The following GPC5 variants were observed in gnomAD, a reference collection of about 807,000 sequenced individuals.
The protein encoded by GPC5 is glypican 5.
Under a neutral mutation model 53.9 loss-of-function variants are expected in GPC5, and 47 were observed. The observed-to-expected ratio is 0.87, with a 90% CI of 0.69 to 1.11. The LOEUF is 1.11. Ranked by LOEUF, GPC5 falls within the 50% of genes most tolerant of loss-of-function variation. The pLI, the probability that GPC5 is intolerant of heterozygous loss-of-function variation, is 0.00. For missense variants in GPC5, 748 were observed against 713.1 expected (o/e 1.05, Z -0.56); for synonymous variants, 286 against 263.3 (o/e 1.09, Z -0.84).
At chr13:92,008,815 T>G (rs1298562107) in intron 6 of GPC5, among the ~76,000 whole-genome samples, 1 of 152,138 alleles carries the variant, frequency 6.6e-6, no homozygotes, top group African/African-American at 2.4e-5. Flanking sequence ...GTTGTAATGT[T>G]TAATATTGTC....
intron 7 of GPC5, among the ~76,000 whole-genome samples, chr13:92,692,697 C>A (rs1594423906): frequency 7.4e-6 from 1 of 135,870 alleles, no homozygotes; most frequent in African/African-American, 2.8e-5. Flanking sequence ...TTAAAAAAAA[C>A]AAAACAAAAC....
chr13:92,033,035 TCGTGTGTGTGTGTG>T (rs2040865422), intron 6 of GPC5, among the ~76,000 whole-genome samples: 1 of 77,836 alleles, frequency 1.3e-5, no homozygotes, highest in African/African-American at 4.6e-5. Flanking sequence ...CTAGTTATTG[TCGTGTGTGTGTGTG>T]TGTGTGTGTG....
At chr13:91,779,473 A>G (rs1242960450) in intron 5 of GPC5, among the ~76,000 whole-genome samples, 1 of 151,872 alleles carries the variant, frequency 6.6e-6, no homozygotes, top group East Asian at 1.9e-4. Context: ...TGATCCTCCC[A>G]CCTCAGCCTC....
intron 7 of GPC5, among the ~76,000 whole-genome samples, chr13:92,483,002 AC>A (rs949454480): frequency 6.6e-6 from 1 of 152,186 alleles, no homozygotes; most frequent in African/African-American, 2.4e-5. Flanking sequence ...GGCACGTCTT[AC>A]ATGGCAGCAG....
chr13:92,077,986 CA>C, intron 6 of GPC5, among the ~76,000 whole-genome samples: 1 of 51,864 alleles, frequency 1.9e-5, no homozygotes, highest in South Asian at 1.6e-3. Flanking sequence ...GATAGATATA[CA>C]TACATACATA....
At chr13:91,948,319 T>A (rs2039994537) in intron 6 of GPC5, among the ~76,000 whole-genome samples, 1 of 151,812 alleles carries the variant, frequency 6.6e-6, no homozygotes, top group South Asian at 2.1e-4. Context: ...AGTCTAATAA[T>A]GTACAACAAG....
At chr13:92,134,372 A>G (rs894674995) in intron 6 of GPC5, among the ~76,000 whole-genome samples, 1 of 152,168 alleles carries the variant, frequency 6.6e-6, no homozygotes, top group African/African-American at 2.4e-5. Context: ...CCAGGCCACG[A>G]AGAACTGTAC....
intron 7 of GPC5, among the ~76,000 whole-genome samples, chr13:92,467,587 AT>A (rs1878747244): frequency 6.6e-6 from 1 of 152,116 alleles, no homozygotes; most frequent in African/African-American, 2.4e-5. Context: ...TGTAGGTACT[AT>A]TGTTATCTTT....
At chr13:91,692,817 T>A (rs1451429027) in intron 2 of GPC5, among the ~76,000 whole-genome samples, 2 of 152,132 alleles carry the variant, frequency 1.3e-5, no homozygotes, top group African/African-American at 4.8e-5. Flanking sequence ...GTAATTTTTG[T>A]ATTTTTAATA....
intron 7 of GPC5, among the ~76,000 whole-genome samples, chr13:92,619,431 T>A (rs939708415): frequency 2.0e-5 from 3 of 151,974 alleles, no homozygotes; most frequent in Admixed American, 2.0e-4. Context: ...CGCCAATTAT[T>A]CTTAGGTTAA....
At chr13:91,844,036 C>T (rs544232106) in intron 5 of GPC5, among the ~76,000 whole-genome samples, 6 of 152,086 alleles carry the variant, frequency 3.9e-5, no homozygotes, top group African/African-American at 1.2e-4. Flanking sequence ...GAGAGTTTTG[C>T]GTTTATCTGA....
intron 7 of GPC5, among the ~76,000 whole-genome samples, chr13:92,358,008 C>A (rs1002377085): frequency 9.9e-5 from 15 of 151,680 alleles, no homozygotes; most frequent in African/African-American, 3.7e-4. Context: ...AGCATTAACT[C>A]AAAAGTCCAC....
chr13:91,802,121 G>T (rs539043544), intron 5 of GPC5, among the ~76,000 whole-genome samples: 2 of 152,292 alleles, frequency 1.3e-5, no homozygotes, highest in African/African-American at 4.8e-5. Context: ...CCTTCTGGTG[G>T]GTTCTTGGTC....
chr13:91,493,945 C>T (rs1012239747), intron 2 of GPC5, among the ~76,000 whole-genome samples: 9 of 152,086 alleles, frequency 5.9e-5, no homozygotes, highest in African/African-American at 2.2e-4. Flanking sequence ...ACAGTCTCTG[C>T]TCACTGCAAC....
At chr13:92,144,289 G>C (rs1029613565) in intron 6 of GPC5, among the ~76,000 whole-genome samples, 1 of 152,066 alleles carries the variant, frequency 6.6e-6, no homozygotes, top group Non-Finnish European at 1.5e-5. Flanking sequence ...TTGTCCCAAG[G>C]TTCAGTATGT....
intron 2 of GPC5, among the ~76,000 whole-genome samples, chr13:91,495,400 G>A (rs1884193564): frequency 6.6e-6 from 1 of 152,146 alleles, no homozygotes; most frequent in African/African-American, 2.4e-5. Flanking sequence ...TTTTCTCAAA[G>A]CCCTCCAATG....
At chr13:92,116,577 C>A (rs1375908531) in intron 6 of GPC5, among the ~76,000 whole-genome samples, 2 of 152,140 alleles carry the variant, frequency 1.3e-5, no homozygotes, top group Non-Finnish European at 2.9e-5. Context: ...GCAAAAATAC[C>A]TAGGAATGGG....
chr13:92,012,498 A>C (rs1226357595), intron 6 of GPC5, among the ~76,000 whole-genome samples: 1 of 152,200 alleles, frequency 6.6e-6, no homozygotes, highest in Non-Finnish European at 1.5e-5. Context: ...AAGTCATTTG[A>C]ATGAAAGAAC....
chr13:91,641,687 C>A (rs544011677), intron 2 of GPC5, among the ~76,000 whole-genome samples: 1 of 152,306 alleles, frequency 6.6e-6, no homozygotes, highest in Non-Finnish European at 1.5e-5. Flanking sequence ...TATAGAACAT[C>A]AACACTATTC....
Sources: gnomAD v4.1 joint callset for allele counts (sites outside exome capture counted in the v4.1 genomes callset) on GRCh38, gnomAD v4.1.1 for gene constraint, MANE v1.5 for transcripts, NCBI Gene and HGNC (gene_info 2026-07-23, HGNC 2026-07-21) for gene names.